The following MARCHF3 variants were observed in gnomAD, a reference collection of about 807,000 sequenced individuals.
MARCHF3 encodes the protein E3 ubiquitin-protein ligase MARCHF3.
In MARCHF3, 13 loss-of-function variants were observed where a neutral mutation model predicts 24.2. That is an observed-to-expected ratio of 0.54 (90% CI 0.35 to 0.85). MARCHF3 has a LOEUF of 0.85. MARCHF3 is among the 40% of genes least tolerant of loss of function. MARCHF3 has a pLI of 0.01. For synonymous variants in MARCHF3, 144 were observed against 137.3 expected (o/e 1.05, Z -0.34); for missense variants, 276 against 325.0 (o/e 0.85, Z 1.16).
At chr5:127,005,704 T>C (rs888089613) in intron 1 of MARCHF3, among the ~76,000 whole-genome samples, 1 of 152,230 alleles carries the variant, frequency 6.6e-6, no homozygotes, top group African/African-American at 2.4e-5. Context: ...TAAAAATCTT[T>C]AGCCTAGAGT....
At chr5:126,986,295 G>T (rs563671081) in intron 1 of MARCHF3, among the ~76,000 whole-genome samples, 2 of 152,248 alleles carry the variant, frequency 1.3e-5, no homozygotes, top group East Asian at 3.9e-4. Context: ...AAAGTGGGCA[G>T]GGAGTTAAAT....
chr5:126,904,083 G>A (rs967925646), intron 3 of MARCHF3, among the ~76,000 whole-genome samples: 6 of 150,394 alleles, frequency 4.0e-5, no homozygotes, highest in South Asian at 2.1e-4. Flanking sequence ...TTGTTCTTGC[G>A]ATAGTTTACT....
At position 126,957,072 on chromosome 5, in the gene MARCHF3, C is replaced by T. The variant is rs1325945067; in HGVS notation, c.-56-38845G>A. 3.7e-5 allele frequency among the ~76,000 whole-genome samples: 5 copies of T among 135,072 alleles called. No homozygotes were observed. In the South Asian group the frequency reaches 1.2e-3, roughly 31 times the overall value. The allele number at this position is 135,072 out of a possible 152,430, so 88.6% of individuals were successfully genotyped here. A position where few individuals can be genotyped will look rare whatever the true frequency, so the allele number is the denominator to read the frequency against. On this transcript the variant is annotated intron_variant, in intron 1 of 4. Coordinates refer to ENST00000308660, the MANE Select transcript of MARCHF3 (RefSeq NM_178450.5). ...ACTGTGCCCGGCTAAGAATGGTATT[C>T]TTTTATTAGAGTTTTTTTTGACATA... is the stretch of plus-strand genomic sequence containing the variant.
chr5:126,911,608 T>C (rs1754534265), intron 3 of MARCHF3, among the ~76,000 whole-genome samples: 2 of 152,256 alleles, frequency 1.3e-5, no homozygotes. Context: ...ACATAGATGA[T>C]TGCAATGTAG....
At chr5:126,937,901 C>A (rs963385957) in intron 1 of MARCHF3, among the ~76,000 whole-genome samples, 3 of 152,240 alleles carry the variant, frequency 2.0e-5, no homozygotes, top group Non-Finnish European at 4.4e-5. Context: ...TCCTGAGTTT[C>A]CTAATAACAC....
intron 1 of MARCHF3, among the ~76,000 whole-genome samples, chr5:126,942,195 T>A (rs1749851747): frequency 6.6e-6 from 1 of 152,202 alleles, no homozygotes; most frequent in South Asian, 2.1e-4. Context: ...ATTTACTGAT[T>A]AAATCTTAAC....
At chr5:126,975,077 C>T (rs919483733) in intron 1 of MARCHF3, among the ~76,000 whole-genome samples, 2 of 152,186 alleles carry the variant, frequency 1.3e-5, no homozygotes, top group Admixed American at 1.3e-4. Flanking sequence ...CTGCCTCAGC[C>T]TCCCGAGTAG....
chr5:126,957,768 T>G (rs1750498464), intron 1 of MARCHF3, among the ~76,000 whole-genome samples: 1 of 152,168 alleles, frequency 6.6e-6, no homozygotes. Flanking sequence ...GCTCAGATTT[T>G]ACTCATCATT....
At chr5:127,029,051 T>C (rs1561480544) in intron 1 of MARCHF3, among the ~76,000 whole-genome samples, 1 of 152,198 alleles carries the variant, frequency 6.6e-6, no homozygotes, top group Non-Finnish European at 1.5e-5. Flanking sequence ...GTAAAGTTCA[T>C]GGACATACTC....
chr5:126,931,041 T>G (rs375963435), intron 1 of MARCHF3, among the ~76,000 whole-genome samples: 21 of 152,232 alleles, frequency 1.4e-4, no homozygotes, highest in African/African-American at 5.1e-4. Flanking sequence ...CCATCTGCAT[T>G]TCTATTTAGT....
intron 1 of MARCHF3, among the ~76,000 whole-genome samples, chr5:126,992,100 A>C (rs1489063548): frequency 6.6e-6 from 1 of 152,062 alleles, no homozygotes; most frequent in Non-Finnish European, 1.5e-5. Flanking sequence ...CAGGATATTC[A>C]GTACAATCAA....
At chr5:126,875,660 C>A (rs73783474) in intron 4 of MARCHF3, among the ~76,000 whole-genome samples, 1 of 152,126 alleles carries the variant, frequency 6.6e-6, no homozygotes, top group Non-Finnish European at 1.5e-5. Flanking sequence ...CTCCACAGCA[C>A]GTTTTTCACA....
intron 1 of MARCHF3, among the ~76,000 whole-genome samples, chr5:126,983,109 C>T (rs1054460884): frequency 1.3e-4 from 20 of 152,184 alleles, no homozygotes; most frequent in Non-Finnish European, 2.6e-4. Context: ...TCTATCTTCC[C>T]TCTGCAAGAG....
intron 1 of MARCHF3, among the ~76,000 whole-genome samples, chr5:126,944,171 G>T (rs755615002): frequency 6.6e-6 from 1 of 152,046 alleles, no homozygotes; most frequent in Non-Finnish European, 1.5e-5. Context: ...TCTCACTAAT[G>T]TAACAGCTCT....
At chr5:126,934,128 T>G (rs537148627) in intron 1 of MARCHF3, among the ~76,000 whole-genome samples, 117 of 152,302 alleles carry the variant, frequency 7.7e-4, no homozygotes, top group African/African-American at 2.6e-3. Context: ...ACAGGAATAG[T>G]TTATAGAACT....
chr5:126,972,181 G>A (rs1751038122), intron 1 of MARCHF3, among the ~76,000 whole-genome samples: 1 of 149,346 alleles, frequency 6.7e-6, no homozygotes, highest in African/African-American at 2.5e-5. Flanking sequence ...AAAGTTAGGA[G>A]TACAACGAGT....
At chr5:126,977,061 T>C (rs1751226964) in intron 1 of MARCHF3, among the ~76,000 whole-genome samples, 1 of 152,202 alleles carries the variant, frequency 6.6e-6, no homozygotes, top group Non-Finnish European at 1.5e-5. Context: ...CAGACTGCTG[T>C]CCACCCAACA....
Position 126,870,742 on chromosome 5 carries a change from T to A in MARCHF3, c.653A>T (p.Asn218Ile). 6.2e-7 allele frequency: 1 copy of A among 1,614,236 alleles called. No homozygotes were observed. The highest frequency in any genetic ancestry group is 8.5e-7 in the Non-Finnish European group (1 of 1,180,048). ...TGGAATGAGGAGAATCACCCTCTGATTGGTCCGACGCCACTCGTTGTACAA... is the reference window on the plus strand; with the variant it reads ...TGGAATGAGGAGAATCACCCTCTGAATGGTCCGACGCCACTCGTTGTACAA... Reference protein sequence around the residue: ...CRLYNEWRRTNQRVILLIPKS... With the variant: ...CRLYNEWRRTIQRVILLIPKS... The change falls in exon 5 of 5, where the codon AAT becomes ATT. Residue 218 changes from asparagine (N) to isoleucine (I), a missense_variant. Physicochemically the swap from Asn to Ile is moderately radical, Grantham distance 149. Transcript: ENST00000308660.
chr5:126,872,074 C>CTTTTTTT (rs70997318), intron 4 of MARCHF3, among the ~76,000 whole-genome samples: 37 of 94,494 alleles, frequency 3.9e-4, no homozygotes, highest in Non-Finnish European at 4.8e-4. Context: ...AGATCCTTGT[C>CTTTTTTT]TTTTTTTTTT....
Sources: allele counts gnomAD v4.1 joint callset (sites outside exome capture counted in the v4.1 genomes callset), GRCh38; gene constraint gnomAD v4.1.1; transcripts MANE v1.5; gene names NCBI Gene and HGNC (gene_info 2026-07-23, HGNC 2026-07-21).